TMEM135: variants seen among roughly 807,000 people sequenced by gnomAD.
TMEM135 encodes peroxisomal membrane protein 52.
In TMEM135, 30 loss-of-function variants were observed where a neutral mutation model predicts 60.3. The observed-to-expected ratio is 0.50, with a 90% CI of 0.37 to 0.68. The LOEUF (loss-of-function observed/expected upper bound fraction) is 0.68, where lower values mean the gene tolerates loss of function less well. Among genes scored for constraint, TMEM135 ranks in the 30% least tolerant of loss-of-function variants. TMEM135 has a pLI of 0.00. For synonymous variants in TMEM135, 190 were observed against 186.7 expected (o/e 1.02, Z -0.14); for missense variants, 468 against 548.8 (o/e 0.85, Z 1.47).
chr11:87,211,199 C>T (rs569885309), intron 5 of TMEM135, among the ~76,000 whole-genome samples: 1 of 152,290 alleles, frequency 6.6e-6, no homozygotes, highest in East Asian at 1.9e-4. Context: ...ACTTCAAAGA[C>T]TTAGTACTTT....
intron 5 of TMEM135, among the ~76,000 whole-genome samples, chr11:87,201,168 G>T (rs558963446): frequency 2.8e-4 from 43 of 152,062 alleles, no homozygotes; most frequent in African/African-American, 1.0e-3. Context: ...GATCATATTG[G>T]TAGGAATTAT....
At chr11:87,122,123 TG>T (rs1403132708) in intron 4 of TMEM135, among the ~76,000 whole-genome samples, 1 of 152,210 alleles carries the variant, frequency 6.6e-6, no homozygotes, top group African/African-American at 2.4e-5. Flanking sequence ...AATTCCATTT[TG>T]TACTATTTTC....
At chr11:87,130,886 T>C (rs549687667) in intron 4 of TMEM135, among the ~76,000 whole-genome samples, 1 of 152,148 alleles carries the variant, frequency 6.6e-6, no homozygotes, top group East Asian at 1.9e-4. Flanking sequence ...AATAAATTGG[T>C]TTGTATAAAA....
chr11:87,241,503 A>G (rs533899151), intron 6 of TMEM135, among the ~76,000 whole-genome samples: 1 of 152,274 alleles, frequency 6.6e-6, no homozygotes, highest in Admixed American at 6.5e-5. Context: ...TCTCTGTGTT[A>G]CAAACATTCT....
intron 5 of TMEM135, among the ~76,000 whole-genome samples, chr11:87,204,020 A>G (rs1194884208): frequency 1.3e-5 from 2 of 152,076 alleles, no homozygotes; most frequent in Admixed American, 1.3e-4. Flanking sequence ...ATCGTGCACA[A>G]TAATTTTTAG....
At chr11:87,235,298 G>A (rs2135372306) in intron 5 of TMEM135, among the ~76,000 whole-genome samples, 1 of 151,826 alleles carries the variant, frequency 6.6e-6, no homozygotes, top group South Asian at 2.1e-4. Flanking sequence ...AGGAGGGAAA[G>A]AGGGAGGGGA....
chr11:87,219,246 A>T (rs1427927082), intron 5 of TMEM135, among the ~76,000 whole-genome samples: 1 of 152,184 alleles, frequency 6.6e-6, no homozygotes, highest in Non-Finnish European at 1.5e-5. Flanking sequence ...TGGAGGTCGT[A>T]TTATTAATCT....
At chr11:87,319,998 T>C (rs1466551213) in intron 14 of TMEM135, among the ~76,000 whole-genome samples, 1 of 152,096 alleles carries the variant, frequency 6.6e-6, no homozygotes, top group Non-Finnish European at 1.5e-5. Flanking sequence ...AATGCATACA[T>C]TGTATGGTTG....
intron 4 of TMEM135, among the ~76,000 whole-genome samples, chr11:87,129,543 A>ACTT (rs1565453946): frequency 2.4e-5 from 1 of 41,614 alleles, no homozygotes; most frequent in Non-Finnish European, 4.0e-5. Flanking sequence ...ATGCTTGGCC[A>ACTT]ATTTTTTTTT....
intron 5 of TMEM135, among the ~76,000 whole-genome samples, chr11:87,169,282 G>A (rs1939161441): frequency 6.8e-6 from 1 of 147,022 alleles, no homozygotes; most frequent in Non-Finnish European, 1.5e-5. Flanking sequence ...CTTTTAATTG[G>A]GGCATTTAGC....
intron 5 of TMEM135, among the ~76,000 whole-genome samples, chr11:87,158,337 T>C (rs1045787185): frequency 6.6e-5 from 10 of 152,334 alleles, no homozygotes; most frequent in South Asian, 6.2e-4. Flanking sequence ...TTAAACAGAA[T>C]TGTATTACTT....
At chr11:87,181,319 T>C (rs554757) in intron 5 of TMEM135, among the ~76,000 whole-genome samples, 20,180 of 152,078 alleles carry the variant, frequency 0.13, 1,399 homozygotes, top group Non-Finnish European at 0.15. Flanking sequence ...GAGCACAGTG[T>C]AGAGATCTAT....
At chr11:87,276,665 AT>A (rs11340916) in intron 6 of TMEM135, among the ~76,000 whole-genome samples, 18,425 of 115,304 alleles carry the variant, frequency 0.16, 1,342 homozygotes, top group African/African-American at 0.3. Flanking sequence ...GTGTTTGTGA[AT>A]TTTTTTTTTT....
chr11:87,149,564 C>A (rs1445595688), intron 4 of TMEM135, among the ~76,000 whole-genome samples: 1 of 152,222 alleles, frequency 6.6e-6, no homozygotes, highest in South Asian at 2.1e-4. Context: ...AAACAGGAAT[C>A]TTTCTCAGTC....
rs1271051669 is a variant in TMEM135, at chr11:87,244,636, G to A, written c.509+7952G>A. 1.1e-4 allele frequency among the ~76,000 whole-genome samples: 9 copies of A among 82,142 alleles called. 3 individuals carry two copies. The highest frequency in any genetic ancestry group is 1.0e-4 in the Admixed American group (1 of 9,720). 53.9% of individuals were successfully genotyped at this position (82,142 alleles called of 152,430 possible). A position where few individuals can be genotyped will look rare whatever the true frequency, so the allele number is the denominator to read the frequency against. ...CTTCCACATTTTCTAGTTTATTTGC[G>A]TAGAGGTGTTTGTAGTATTCTCTGA... On this transcript the variant is annotated intron_variant, in intron 6 of 14. Transcript: ENST00000305494.
rs1942870475 is a variant in TMEM135, at chr11:87,323,873, A to C, written c.*2540A>C. 2 of 452,060 alleles carry C rather than the reference A, an allele frequency of 4.4e-6. No homozygotes were observed. The highest frequency in any genetic ancestry group is 8.8e-6 in the Non-Finnish European group (2 of 226,384). 28.0% of individuals were successfully genotyped at this position (452,060 alleles called of 1,614,324 possible). A position where few individuals can be genotyped will look rare whatever the true frequency, so the allele number is the denominator to read the frequency against. On this transcript the variant is annotated 3_prime_UTR_variant, in exon 15 of 15. Transcript: ENST00000305494. ...TTGGTTTAGTTTTATTTTCCCATAA[A>C]TTCTGCTTTTGCTTCTGTAACTTTT...
At chr11:87,316,264 A>G (rs1942725936) in intron 12 of TMEM135, among the ~76,000 whole-genome samples, 2 of 149,922 alleles carry the variant, frequency 1.3e-5, no homozygotes, top group South Asian at 4.2e-4. Flanking sequence ...TTACCCAAAT[A>G]TATGTGTGTG....
Position 87,326,121 on chromosome 11 carries a change from T to A in TMEM135, c.*4788T>A. ...TTTTTTAATATTCAGTTTTGTGCCATACTCTCCCCCACCCCCAGCCTGCTG... is the reference window on the plus strand; with the variant it reads ...TTTTTTAATATTCAGTTTTGTGCCAAACTCTCCCCCACCCCCAGCCTGCTG... On this transcript the variant is annotated 3_prime_UTR_variant, in exon 15 of 15. Coordinates refer to ENST00000305494, the MANE Select transcript of TMEM135 (RefSeq NM_022918.4). 2.2e-6 allele frequency: 1 copy of A among 453,726 alleles called. No homozygotes were observed. Among genetic ancestry groups the A allele is most frequent in the Non-Finnish European group, 4.4e-6 (1 of 226,692 alleles). The allele number at this position is 453,726 out of a possible 1,614,324, so 28.1% of individuals were successfully genotyped here. A position where few individuals can be genotyped will look rare whatever the true frequency, so the allele number is the denominator to read the frequency against.
In TMEM135 at chr11:87,328,408, C is replaced by T. The variant is rs1415780697; in HGVS notation, c.*7075C>T. On this transcript the variant is annotated 3_prime_UTR_variant, in exon 15 of 15. Transcript: ENST00000305494. The stretch of plus-strand genomic sequence containing the variant: ...TTGGGGTACAAGTGGTTTTTGGTTG[C>T]ATGGATGAATTGTATATTGGTGAAG... 2 of 453,938 alleles carry T rather than the reference C, an allele frequency of 4.4e-6. No individual in the cohort carries two copies. Among genetic ancestry groups the T allele is most frequent in the Non-Finnish European group, 8.8e-6 (2 of 226,794 alleles). The allele number at this position is 453,938 out of a possible 1,614,324, so 28.1% of individuals were successfully genotyped here.
Sources: gnomAD v4.1 joint callset for allele counts (sites outside exome capture counted in the v4.1 genomes callset) on GRCh38, gnomAD v4.1.1 for gene constraint, MANE v1.5 for transcripts, NCBI Gene and HGNC (gene_info 2026-07-23, HGNC 2026-07-21) for gene names.